The following CDH12 variants were observed in gnomAD, a reference collection of about 807,000 sequenced individuals.
CDH12 encodes the protein cadherin-12.
Under a neutral mutation model 74.1 loss-of-function variants are expected in CDH12, and 41 were observed. That is an observed-to-expected ratio of 0.55 (90% CI 0.43 to 0.72). The LOEUF (loss-of-function observed/expected upper bound fraction) is 0.72, where lower values mean the gene tolerates loss of function less well. Among genes scored for constraint, CDH12 ranks in the 30% least tolerant of loss-of-function variants. The pLI is 0.00. For synonymous variants in CDH12, 399 were observed against 355.0 expected (o/e 1.12, Z -1.39); for missense variants, 945 against 977.2 (o/e 0.97, Z 0.44).
intron 1 of CDH12, among the ~76,000 whole-genome samples, chr5:22,613,159 C>G (rs2126828958): frequency 1.3e-5 from 2 of 152,056 alleles, no homozygotes; most frequent in South Asian, 4.2e-4. Context: ...AATTATGAAC[C>G]TCTGCAAATA....
Position 22,078,888 on chromosome 5 carries a change from A to G in CDH12, c.-186-26T>C, listed in dbSNP as rs1033668914. On this transcript the variant is annotated intron_variant, in intron 4 of 14. Transcript: ENST00000382254. ...CTATGAAATAGATGAACAAAGATAC[A>G]TTAAATTAATGAAATTGCATGATGA... 7.4e-6 allele frequency: 9 copies of G among 1,217,342 alleles called. No homozygotes were observed. The African/African-American group carries it at 1.4e-4, about 19-fold the overall frequency. The allele number at this position is 1,217,342 out of a possible 1,614,324, so 75.4% of individuals were successfully genotyped here.
intron 3 of CDH12, among the ~76,000 whole-genome samples, chr5:22,258,295 C>A (rs1201218504): frequency 6.6e-6 from 1 of 152,044 alleles, no homozygotes; most frequent in Non-Finnish European, 1.5e-5. Context: ...CGTGCCCATC[C>A]TATAGTTTTG....
chr5:22,588,160 T>C (rs1424473885), intron 1 of CDH12, among the ~76,000 whole-genome samples: 1 of 151,632 alleles, frequency 6.6e-6, no homozygotes, highest in African/African-American at 2.4e-5. Context: ...GGTTAAATTA[T>C]AAATATACAT....
At chr5:21,811,695 C>A (rs1405363689) in intron 9 of CDH12, among the ~76,000 whole-genome samples, 2 of 131,664 alleles carry the variant, frequency 1.5e-5, no homozygotes, top group East Asian at 4.6e-4. Flanking sequence ...ACACCCAACA[C>A]CATATAGGAC....
intron 3 of CDH12, among the ~76,000 whole-genome samples, chr5:22,283,253 C>CACACAT (rs1554027682): frequency 3.7e-5 from 5 of 134,302 alleles, no homozygotes; most frequent in African/African-American, 1.6e-4. Flanking sequence ...TATATATATA[C>CACACAT]ACACACACAC....
chr5:22,485,167 G>T (rs1161923906), intron 2 of CDH12, among the ~76,000 whole-genome samples: 2 of 127,238 alleles, frequency 1.6e-5, no homozygotes, highest in African/African-American at 3.0e-5. Flanking sequence ...TTGGTATACT[G>T]CACAAGCTTT....
chr5:22,834,172 G>A (rs1490651770), intron 1 of CDH12, among the ~76,000 whole-genome samples: 5 of 152,132 alleles, frequency 3.3e-5, no homozygotes, highest in Non-Finnish European at 7.4e-5. Context: ...TGAGTGTTCA[G>A]CATCAGTACC....
At chr5:22,439,136 T>C (rs1744522095) in intron 2 of CDH12, among the ~76,000 whole-genome samples, 1 of 151,852 alleles carries the variant, frequency 6.6e-6, no homozygotes, top group Non-Finnish European at 1.5e-5. Flanking sequence ...CATTATGACC[T>C]CCATTATTAA....
At chr5:22,134,064 T>C (rs1344274838) in intron 4 of CDH12, among the ~76,000 whole-genome samples, 1 of 152,094 alleles carries the variant, frequency 6.6e-6, no homozygotes, top group African/African-American at 2.4e-5. Flanking sequence ...GTACCCAAGA[T>C]GCTTCAGTTC....
chr5:22,396,179 C>T (rs1035333462), intron 3 of CDH12, among the ~76,000 whole-genome samples: 2 of 151,898 alleles, frequency 1.3e-5, no homozygotes, highest in Non-Finnish European at 2.9e-5. Context: ...AATATAAGAA[C>T]CATGTAAATA....
At chr5:22,148,499 C>A (rs1210910144) in intron 4 of CDH12, among the ~76,000 whole-genome samples, 1 of 151,732 alleles carries the variant, frequency 6.6e-6, no homozygotes, top group Non-Finnish European at 1.5e-5. Flanking sequence ...TTTTCTAAGG[C>A]TGCCATAGCA....
chr5:22,837,640 G>A (rs983612779), intron 1 of CDH12, among the ~76,000 whole-genome samples: 1 of 152,082 alleles, frequency 6.6e-6, no homozygotes, highest in Non-Finnish European at 1.5e-5. Context: ...TGTACATTCT[G>A]GATGAATTGA....
intron 4 of CDH12, among the ~76,000 whole-genome samples, chr5:22,166,537 AAG>A (rs1246524628): frequency 6.6e-6 from 1 of 152,196 alleles, no homozygotes; most frequent in Admixed American, 6.6e-5. Flanking sequence ...TTTTGCTAAA[AAG>A]ATTTTAAAAG....
At chr5:22,473,091 T>C (rs1471318775) in intron 2 of CDH12, among the ~76,000 whole-genome samples, 1 of 152,156 alleles carries the variant, frequency 6.6e-6, no homozygotes, top group Non-Finnish European at 1.5e-5. Context: ...GCTTTGGGCA[T>C]TCCATGATTA....
chr5:22,012,746 C>T (rs1345421828), intron 5 of CDH12, among the ~76,000 whole-genome samples: 2 of 145,420 alleles, frequency 1.4e-5, no homozygotes, highest in African/African-American at 5.1e-5. Context: ...GGATTTGTGA[C>T]CTTAAGCAAG....
intron 1 of CDH12, among the ~76,000 whole-genome samples, chr5:22,843,439 G>A (rs983688825): frequency 2.0e-5 from 3 of 152,000 alleles, no homozygotes; most frequent in Non-Finnish European, 4.4e-5. Flanking sequence ...AAATCATAGA[G>A]CCAGAAAAAA....
At chr5:22,416,199 C>A (rs1020631033) in intron 2 of CDH12, among the ~76,000 whole-genome samples, 1 of 149,812 alleles carries the variant, frequency 6.7e-6, no homozygotes, top group Non-Finnish European at 1.5e-5. Context: ...CTCAGCCTCC[C>A]GAGTAGCTGG....
intron 2 of CDH12, among the ~76,000 whole-genome samples, chr5:22,503,730 A>G (rs756858001): frequency 2.0e-5 from 3 of 152,094 alleles, no homozygotes; most frequent in Non-Finnish European, 4.4e-5. Flanking sequence ...ATCGTTGTAC[A>G]TAGCACAGAG....
Position 22,016,438 on chromosome 5 carries a change from C to A in CDH12, c.232-41053G>T, listed in dbSNP as rs535491747. Among the ~76,000 whole-genome samples the A allele has an allele frequency of 4.6e-3, 700 of 151,960 alleles. 11 individuals are homozygous for A. The highest frequency in any genetic ancestry group is 0.016 in the African/African-American group (671 of 41,378). ...TGGAGATGGAGTCTTGTTTTGTCTC[C>A]AGGCTAGAGTGCAGTGGTGCAATCT... is the stretch of plus-strand genomic sequence containing the variant. On this transcript the variant is annotated intron_variant, in intron 5 of 14. Transcript: ENST00000382254.
Sources: gnomAD v4.1 joint callset for allele counts (sites outside exome capture counted in the v4.1 genomes callset) on GRCh38, gnomAD v4.1.1 for gene constraint, MANE v1.5 for transcripts, NCBI Gene and HGNC (gene_info 2026-07-23, HGNC 2026-07-21) for gene names.